ASTN2: variants seen among roughly 807,000 people sequenced by gnomAD.
ASTN2 encodes astrotactin-2.
Under a neutral mutation model 139.8 loss-of-function variants are expected in ASTN2, and 54 were observed. That is an observed-to-expected ratio of 0.39 (90% CI 0.31 to 0.48). The LOEUF is 0.48. Among genes scored for constraint, ASTN2 ranks in the 20% least tolerant of loss-of-function variants. The pLI, the probability that ASTN2 is intolerant of heterozygous loss-of-function variation, is 0.95. For missense variants in ASTN2, 1,565 were observed against 1,725.1 expected, an observed-to-expected ratio of 0.91 and a Z score of 1.64; for synonymous variants, 756 against 719.5, an observed-to-expected ratio of 1.05 and a Z score of -0.81.
chr9:117,214,979 A>T (rs112530874), intron 2 of ASTN2, among the ~76,000 whole-genome samples: 3 of 152,270 alleles, frequency 2.0e-5, no homozygotes, highest in African/African-American at 7.2e-5. Context: ...TGCTTTCCAT[A>T]GTTATAAAGG....
chr9:117,187,373 A>G (rs891740379), intron 3 of ASTN2, among the ~76,000 whole-genome samples: 3 of 152,078 alleles, frequency 2.0e-5, no homozygotes, highest in Non-Finnish European at 4.4e-5. Flanking sequence ...GAAGATGATG[A>G]TGATGATGCT....
chr9:116,659,578 C>T (rs1191133426), intron 16 of ASTN2, among the ~76,000 whole-genome samples: 1 of 152,110 alleles, frequency 6.6e-6, no homozygotes, highest in Admixed American at 6.6e-5. Context: ...TTCCACTGTC[C>T]ATATTTCCTC....
intron 1 of ASTN2, among the ~76,000 whole-genome samples, chr9:117,338,197 A>G (rs1458302725): frequency 6.6e-6 from 1 of 152,144 alleles, no homozygotes; most frequent in Non-Finnish European, 1.5e-5. Flanking sequence ...GCATCTGACT[A>G]TTTGTTAATT....
chr9:117,270,750 T>C (rs1044332508), intron 2 of ASTN2, among the ~76,000 whole-genome samples: 2 of 152,226 alleles, frequency 1.3e-5, no homozygotes, highest in Admixed American at 1.3e-4. Context: ...CAGGATAAAA[T>C]GCAATAGTAA....
rs1861086323 is a variant in ASTN2 at position 116,699,851 on chromosome 9, A to G, written c.2806+25920T>C. 3.6e-6 allele frequency: 4 copies of G among 1,116,180 alleles called. No individual in the cohort carries two copies. The highest frequency in any genetic ancestry group is 5.2e-6 in the Non-Finnish European group (4 of 775,462). 69.1% of individuals were successfully genotyped at this position (1,116,180 alleles called of 1,614,324 possible). On this transcript the variant is annotated intron_variant, in intron 16 of 22. Coordinates refer to ENST00000313400, the MANE Select transcript of ASTN2 (RefSeq NM_001365068.1). The surrounding 1 kb of genome is among the most constrained non-coding windows in gnomAD (Gnocchi z 4.2). ...AGAACTTCAGAAGCTCCATCTTTTAATGTTTTTATTTGTTATGTCCCCCTC... is the reference window on the plus strand; with the variant it reads ...AGAACTTCAGAAGCTCCATCTTTTAGTGTTTTTATTTGTTATGTCCCCCTC...
At chr9:116,503,500 T>C (rs1310730022) in intron 19 of ASTN2, among the ~76,000 whole-genome samples, 4 of 152,282 alleles carry the variant, frequency 2.6e-5, no homozygotes, top group African/African-American at 9.6e-5. Context: ...ATGAAAACTA[T>C]AAAAGCGTTT....
chr9:116,676,499 C>T (rs1090027), intron 16 of ASTN2, among the ~76,000 whole-genome samples: 88,403 of 152,000 alleles, frequency 0.58, 26,185 homozygotes, highest in East Asian at 0.87. Context: ...CTGAAACCAA[C>T]ACAGTACAAA....
intron 19 of ASTN2, among the ~76,000 whole-genome samples, chr9:116,578,720 C>T (rs1417006709): frequency 2.0e-5 from 3 of 150,508 alleles, no homozygotes; most frequent in Admixed American, 6.6e-5. Context: ...TTCCCCCAAA[C>T]TCTACCTGTC....
intron 4 of ASTN2, among the ~76,000 whole-genome samples, chr9:117,124,875 T>C (rs999699335): frequency 2.0e-5 from 3 of 151,674 alleles, no homozygotes; most frequent in African/African-American, 7.3e-5. Context: ...AGCTGTATGA[T>C]TGTGGTCAAA....
intron 6 of ASTN2, among the ~76,000 whole-genome samples, chr9:117,032,738 A>G (rs139667622): frequency 6.6e-6 from 1 of 152,264 alleles, no homozygotes; most frequent in East Asian, 1.9e-4. Context: ...GACAAGTGTT[A>G]TTATTCACAA....
intron 11 of ASTN2, among the ~76,000 whole-genome samples, chr9:116,855,169 A>T (rs10983379): frequency 0.13 from 19,905 of 152,220 alleles, 1,429 homozygotes; most frequent in Middle Eastern, 0.28. Flanking sequence ...ATGAGAAGAA[A>T]AAAATATTTA....
In ASTN2 at chr9:117,288,064, C is replaced by T. The variant is rs73519288; in HGVS notation, c.630+3262G>A. Among the ~76,000 whole-genome samples, 605 of 152,296 alleles carry T rather than the reference C, an allele frequency of 4.0e-3. 4 individuals are homozygous for T. Among genetic ancestry groups the T allele is most frequent in the African/African-American group, 0.014 (583 of 41,554 alleles). On this transcript the variant is annotated intron_variant, in intron 2 of 22. Coordinates refer to ENST00000313400, the MANE Select transcript of ASTN2 (RefSeq NM_001365068.1). ...GAGCCAGGTCTGCTGAATTCCATCGCTCTGCTTTTTTTCTCTGCATCCTGC... is the reference window on the plus strand; with the variant it reads ...GAGCCAGGTCTGCTGAATTCCATCGTTCTGCTTTTTTTCTCTGCATCCTGC...
At chr9:117,242,004 C>CTTTT (rs10579284) in intron 2 of ASTN2, among the ~76,000 whole-genome samples, 1 of 42,496 alleles carries the variant, frequency 2.4e-5, no homozygotes, top group African/African-American at 9.0e-5. Context: ...TTTGGCAAGT[C>CTTTT]TTTTTTTTTT....
At chr9:116,632,150 GAGAGAGAC>G (rs1386760301) in intron 17 of ASTN2, among the ~76,000 whole-genome samples, 4 of 75,554 alleles carry the variant, frequency 5.3e-5, no homozygotes, top group Non-Finnish European at 9.9e-5. Context: ...GAGAGAGAGA[GAGAGAGAC>G]AGAGAGAGAG....
intron 22 of ASTN2, among the ~76,000 whole-genome samples, chr9:116,436,858 A>G (rs944210103): frequency 7.9e-5 from 12 of 151,826 alleles, no homozygotes; most frequent in African/African-American, 2.9e-4. Flanking sequence ...GCACATATAC[A>G]CCATGGAATA....
intron 1 of ASTN2, among the ~76,000 whole-genome samples, chr9:117,321,714 T>C (rs527244307): frequency 6.6e-6 from 1 of 152,176 alleles, no homozygotes; most frequent in Admixed American, 6.5e-5. Context: ...CAGGTTCTGA[T>C]GCTCTAGAAC....
chr9:116,845,860 T>G (rs924509327), intron 11 of ASTN2, among the ~76,000 whole-genome samples: 2 of 152,172 alleles, frequency 1.3e-5, no homozygotes, highest in South Asian at 4.1e-4. Flanking sequence ...ATCTAGCAAT[T>G]GCACTTCTGG....
chr9:116,962,097 T>C (rs1020146946), intron 10 of ASTN2, among the ~76,000 whole-genome samples: 2 of 152,212 alleles, frequency 1.3e-5, no homozygotes, highest in Non-Finnish European at 2.9e-5. Flanking sequence ...TGGGATGCAT[T>C]AGGCTAAAGG....
intron 10 of ASTN2, among the ~76,000 whole-genome samples, chr9:116,866,370 C>T (rs141820593): frequency 2.0e-5 from 3 of 152,310 alleles, no homozygotes; most frequent in African/African-American, 7.2e-5. Flanking sequence ...AGGGATGCAG[C>T]ACAGGGACAA....
Sources: allele counts gnomAD v4.1 joint callset (sites outside exome capture counted in the v4.1 genomes callset), GRCh38; gene constraint gnomAD v4.1.1; non-coding constraint Gnocchi (gnomAD v3.1); transcripts MANE v1.5; gene names NCBI Gene and HGNC (gene_info 2026-07-23, HGNC 2026-07-21).